The following DPP10 variants were observed in gnomAD, a reference collection of about 807,000 sequenced individuals.
DPP10 encodes the protein inactive dipeptidyl peptidase 10.
A neutral mutation model predicts 120.9 loss-of-function variants in DPP10; 33 were observed. That is an observed-to-expected ratio of 0.27 (90% CI 0.21 to 0.37). The LOEUF (loss-of-function observed/expected upper bound fraction) is 0.37, where lower values mean the gene tolerates loss of function less well. Ranked by LOEUF, DPP10 falls within the 10% of genes least tolerant of loss-of-function variation. The probability of loss-of-function intolerance (pLI) is 1.00; values close to 1 mark genes in which losing one functional copy is unlikely to be tolerated. For missense variants in DPP10, 816 were observed against 942.8 expected (o/e 0.87, Z 1.76); for synonymous variants, 337 against 326.1 (o/e 1.03, Z -0.36).
chr2:115,727,018 G>T (rs1328831939), intron 7 of DPP10, among the ~76,000 whole-genome samples: 2 of 137,010 alleles, frequency 1.5e-5, no homozygotes, highest in Non-Finnish European at 3.2e-5. Flanking sequence ...TTGGTCAGCA[G>T]TTTCAAGTAT....
intron 1 of DPP10, among the ~76,000 whole-genome samples, chr2:115,155,067 A>T (rs11123284): frequency 0.84 from 126,846 of 150,448 alleles, 53,498 homozygotes; most frequent in East Asian, 0.98. Context: ...AATTTTATTT[A>T]TTTTTTTTTT....
chr2:114,638,396 G>A (rs556284438), intron 1 of DPP10, among the ~76,000 whole-genome samples: 1 of 151,684 alleles, frequency 6.6e-6, no homozygotes, highest in Non-Finnish European at 1.5e-5. Flanking sequence ...TCTAACGAAG[G>A]ACTAAAATCC....
intron 1 of DPP10, among the ~76,000 whole-genome samples, chr2:115,004,291 A>G (rs776701894): frequency 6.6e-6 from 1 of 152,194 alleles, no homozygotes; most frequent in Non-Finnish European, 1.5e-5. Context: ...TCTATAATAC[A>G]TTTCAAAATA....
intron 1 of DPP10, among the ~76,000 whole-genome samples, chr2:115,012,674 A>T (rs1029634249): frequency 1.3e-5 from 2 of 152,224 alleles, no homozygotes; most frequent in African/African-American, 4.8e-5. Context: ...GGGACAGAAG[A>T]CTGAACGGCA....
chr2:114,632,447 C>G (rs960743535), intron 1 of DPP10, among the ~76,000 whole-genome samples: 1 of 145,574 alleles, frequency 6.9e-6, no homozygotes, highest in African/African-American at 2.6e-5. Flanking sequence ...AAAGAAGTTT[C>G]CTTTTTGTTT....
At chr2:115,541,243 A>C (rs1237451081) in intron 5 of DPP10, among the ~76,000 whole-genome samples, 4 of 151,918 alleles carry the variant, frequency 2.6e-5, no homozygotes, top group Middle Eastern at 3.2e-3. Flanking sequence ...CCCATGCCCC[A>C]AAAAATATCC....
chr2:115,699,036 C>CAAAAAAAAAAAAAAA (rs1191197397), intron 7 of DPP10, among the ~76,000 whole-genome samples: 2 of 50,788 alleles, frequency 3.9e-5, no homozygotes, highest in Admixed American at 2.4e-4. Flanking sequence ...AAAAAAAAAA[C>CAAAAAAAAAAAAAAA]AAAAAAAAAA....
Position 114,509,467 on chromosome 2 carries a change from G to A in DPP10, c.60+66629G>A, listed in dbSNP as rs745776062. ...CGAGAAATTAAATAATTTGTATAAG[G>A]TTACATGTTTGGAGGGTAGCAGGCC... On this transcript the variant is annotated intron_variant, in intron 1 of 25. Coordinates refer to ENST00000410059, the MANE Select transcript of DPP10 (RefSeq NM_020868.6). Among the ~76,000 whole-genome samples, 5 of 152,152 alleles carry A rather than the reference G, an allele frequency of 3.3e-5. No homozygotes were observed. The South Asian group carries it at 8.3e-4, about 25-fold the overall frequency.
At chr2:114,732,830 T>C (rs1243697509) in intron 1 of DPP10, among the ~76,000 whole-genome samples, 2 of 152,158 alleles carry the variant, frequency 1.3e-5, no homozygotes, top group Non-Finnish European at 2.9e-5. Flanking sequence ...TGCTGTAACA[T>C]AGATTGCACT....
At chr2:114,662,190 G>T (rs1377644008) in intron 1 of DPP10, among the ~76,000 whole-genome samples, 1 of 152,206 alleles carries the variant, frequency 6.6e-6, no homozygotes. Context: ...AGGCTCCGAG[G>T]GGGAGCGAGA....
At chr2:115,229,985 C>T (rs1037193949) in intron 1 of DPP10, among the ~76,000 whole-genome samples, 3 of 151,566 alleles carry the variant, frequency 2.0e-5, no homozygotes, top group African/African-American at 7.3e-5. Flanking sequence ...ATAGGAATTG[C>T]ACTGAATCTC....
chr2:114,643,727 G>A (rs2105442822), intron 1 of DPP10, among the ~76,000 whole-genome samples: 1 of 151,690 alleles, frequency 6.6e-6, no homozygotes, highest in African/African-American at 2.4e-5. Context: ...ATTCTTTGTG[G>A]TTAAACTCCT....
chr2:115,257,956 T>A (rs1022288389), intron 1 of DPP10, among the ~76,000 whole-genome samples: 1 of 152,334 alleles, frequency 6.6e-6, no homozygotes, highest in Non-Finnish European at 1.5e-5. Context: ...AGAGATAGGA[T>A]ATATGTAGAA....
Position 114,576,090 on chromosome 2 carries a change from T to C in DPP10, c.60+133252T>C, listed in dbSNP as rs552833173. ...TCAACAAACTGCTGGTTACCCCCAA[T>C]GTAGAGTTATAAAAAGGAAGAGATG... On this transcript the variant is annotated intron_variant, in intron 1 of 25. Transcript: ENST00000410059. Among the ~76,000 whole-genome samples, 26 of 152,228 alleles carry C rather than the reference T, an allele frequency of 1.7e-4. 1 individual carries two copies. The highest frequency in any genetic ancestry group is 4.8e-4 in the African/African-American group (20 of 41,550).
intron 1 of DPP10, among the ~76,000 whole-genome samples, chr2:114,878,901 G>T (rs1446657136): frequency 6.6e-6 from 1 of 152,096 alleles, no homozygotes; most frequent in East Asian, 1.9e-4. Flanking sequence ...ACATGGGATT[G>T]CAGATTATAT....
Position 115,343,887 on chromosome 2 carries a change from C to A in DPP10, c.246C>A (p.His82Gln), listed in dbSNP as rs143448690. 3 of 1,611,058 alleles carry A rather than the reference C, an allele frequency of 1.9e-6. No individual in the cohort carries two copies. Among genetic ancestry groups the A allele is most frequent in the Non-Finnish European group, 2.5e-6 (3 of 1,178,570 alleles). Residue 82 changes from histidine (H) to glutamine (Q), a missense_variant, in exon 3 of 26, where the codon CAC becomes CAA. His to Gln is a conservative substitution (Grantham distance 24). Around this residue, in one of 3 missense-constraint regions of DPP10, gnomAD observed 182 missense variants for 207.4 expected, o/e 0.88. Transcript: ENST00000410059. Reference protein sequence around the residue: ...EDLFRKDFVLHDPEARWINDT... With the variant: ...EDLFRKDFVLQDPEARWINDT... ...TCTTTAGGAAAGACTTTGTGCTTCA[C>A]GATCCAGAGGCTCGGTGGATCAATG...
intron 1 of DPP10, among the ~76,000 whole-genome samples, chr2:115,007,061 A>G (rs1216710886): frequency 6.6e-6 from 1 of 152,126 alleles, no homozygotes; most frequent in Non-Finnish European, 1.5e-5. Context: ...AGGATTAAGA[A>G]TCTCACTCAA....
chr2:114,747,415 T>C (rs17043469), intron 1 of DPP10, among the ~76,000 whole-genome samples: 2,598 of 152,332 alleles, frequency 0.017, 67 homozygotes, highest in African/African-American at 0.059. Context: ...AATATAAATA[T>C]ACCAAAGTCA....
At chr2:115,776,662 A>G (rs1280107507) in intron 13 of DPP10, among the ~76,000 whole-genome samples, 1 of 152,070 alleles carries the variant, frequency 6.6e-6, no homozygotes, top group Non-Finnish European at 1.5e-5. Flanking sequence ...CAATACTACT[A>G]CCTGTTTTTT....
Sources: gnomAD v4.1 joint callset for allele counts (sites outside exome capture counted in the v4.1 genomes callset) on GRCh38, gnomAD v4.1.1 for gene constraint, gnomAD v4.1.1 regional missense constraint, MANE v1.5 for transcripts, NCBI Gene and HGNC (gene_info 2026-07-23, HGNC 2026-07-21) for gene names.